Variants in TMEM232 observed in about 807,000 individuals in gnomAD.
The protein encoded by TMEM232 is transmembrane protein 232.
A neutral mutation model predicts 78.8 loss-of-function variants in TMEM232; 80 were observed. The ratio of observed to expected loss-of-function variants is 1.01; its 90% CI spans 0.85 to 1.22. The LOEUF (loss-of-function observed/expected upper bound fraction) is 1.22, where lower values mean the gene tolerates loss of function less well. Among genes scored for constraint, TMEM232 ranks in the 50% most tolerant of loss-of-function variants. The probability of loss-of-function intolerance (pLI) is 0.00; values close to 1 mark genes in which losing one functional copy is unlikely to be tolerated. For missense variants in TMEM232, 881 were observed against 742.2 expected (o/e 1.19, Z -2.17); for synonymous variants, 297 against 254.3 (o/e 1.17, Z -1.60).
chr5:110,738,036 A>C (rs1393036002), exon 1 of TMEM232: 10 of 232,386 alleles, frequency 4.3e-5, no homozygotes, highest in Admixed American at 3.8e-4. Context: ...CACAGAAAAA[A>C]ATGTCAGTTC....
At chr5:110,450,497 G>T (rs557270434) in intron 12 of TMEM232, among the ~76,000 whole-genome samples, 2 of 151,042 alleles carry the variant, frequency 1.3e-5, no homozygotes, top group Non-Finnish European at 2.9e-5. Flanking sequence ...ATTAACTATT[G>T]CGAGTTAATT....
chr5:110,496,097 TCA>T (rs1765609914), intron 12 of TMEM232, among the ~76,000 whole-genome samples: 1 of 151,876 alleles, frequency 6.6e-6, no homozygotes, highest in Non-Finnish European at 1.5e-5. Context: ...AAATTTTCAC[TCA>T]CAAATTATTG....
intron 12 of TMEM232, among the ~76,000 whole-genome samples, chr5:110,461,786 C>T (rs1401541516): frequency 6.6e-6 from 1 of 152,156 alleles, no homozygotes; most frequent in East Asian, 1.9e-4. Context: ...ATCTACTTTG[C>T]CTATGCTCTA....
intron 8 of TMEM232, chr5:110,617,977 T>C (rs1580377705): frequency 5.8e-6 from 1 of 172,346 alleles, no homozygotes; most frequent in Non-Finnish European, 1.2e-5. Context: ...CAACACTGCA[T>C]TCCAGCCTGG....
At chr5:110,524,298 G>A (rs1581068167) in intron 12 of TMEM232, among the ~76,000 whole-genome samples, 1 of 126,834 alleles carries the variant, frequency 7.9e-6, no homozygotes. Flanking sequence ...GAGGGAGAAA[G>A]AAATAAAAAG....
At chr5:110,576,250 C>G (rs1021462920) in intron 10 of TMEM232, among the ~76,000 whole-genome samples, 1 of 151,892 alleles carries the variant, frequency 6.6e-6, no homozygotes, top group Non-Finnish European at 1.5e-5. Context: ...GCGGTCCAGC[C>G]TAAGGCCAAA....
At chr5:110,612,532 C>T (rs1321546664) in intron 8 of TMEM232, among the ~76,000 whole-genome samples, 2 of 152,102 alleles carry the variant, frequency 1.3e-5, no homozygotes, top group Non-Finnish European at 2.9e-5. Context: ...TTAGTAGGAT[C>T]AAGGATATAA....
intron 12 of TMEM232, among the ~76,000 whole-genome samples, chr5:110,522,234 T>C (rs1450868268): frequency 6.6e-6 from 1 of 152,174 alleles, no homozygotes; most frequent in Non-Finnish European, 1.5e-5. Context: ...TCACTGTTAG[T>C]GTACAGATAT....
intron 1 of TMEM232, among the ~76,000 whole-genome samples, chr5:110,721,673 G>GTGTA (rs146117698): frequency 8.5e-5 from 3 of 35,432 alleles, no homozygotes; most frequent in Admixed American, 4.0e-4. Flanking sequence ...GTGTGTGTGT[G>GTGTA]TATATATATA....
At chr5:110,552,264 T>G (rs1405438369) in intron 11 of TMEM232, among the ~76,000 whole-genome samples, 1 of 152,018 alleles carries the variant, frequency 6.6e-6, no homozygotes, top group Non-Finnish European at 1.5e-5. Context: ...CAATATATAT[T>G]TAGAGTAACG....
chr5:110,518,058 C>G (rs570860408), intron 12 of TMEM232, among the ~76,000 whole-genome samples: 1 of 151,978 alleles, frequency 6.6e-6, no homozygotes, highest in Non-Finnish European at 1.5e-5. Flanking sequence ...TATCTTTCAA[C>G]TTTATTTCTG....
chr5:110,498,708 C>A (rs1048855863), intron 12 of TMEM232, among the ~76,000 whole-genome samples: 4 of 152,128 alleles, frequency 2.6e-5, no homozygotes, highest in Non-Finnish European at 1.5e-5. Context: ...GGGAAACTTA[C>A]AAGTGTATTG....
intron 10 of TMEM232, among the ~76,000 whole-genome samples, chr5:110,585,304 T>C (rs1038803617): frequency 2.6e-5 from 4 of 152,142 alleles, no homozygotes; most frequent in Non-Finnish European, 5.9e-5. Context: ...GTAGGAATGA[T>C]AGCAAATCTT....
intron 3 of TMEM232, among the ~76,000 whole-genome samples, chr5:110,392,277 T>C (rs964226295): frequency 6.6e-5 from 10 of 152,162 alleles, no homozygotes; most frequent in African/African-American, 9.6e-5. Flanking sequence ...TAAATAGACC[T>C]GAGTCAAAAC....
At chr5:110,714,693 A>G (rs1051941521) in intron 1 of TMEM232, among the ~76,000 whole-genome samples, 14 of 152,198 alleles carry the variant, frequency 9.2e-5, no homozygotes, top group Non-Finnish European at 1.6e-4. Context: ...AATTCAAATT[A>G]TTCATTTTAA....
intron 12 of TMEM232, among the ~76,000 whole-genome samples, chr5:110,462,705 A>G (rs192630435): frequency 6.6e-6 from 1 of 152,238 alleles, no homozygotes; most frequent in African/African-American, 2.4e-5. Context: ...TCTTGTGATA[A>G]TATGAGTCAA....
chr5:110,568,509 A>G lies in TMEM232; in HGVS notation c.1393T>C (p.Leu465=), dbSNP rs940654491. The G allele has an allele frequency of 6.5e-7, 1 of 1,548,876 alleles. No homozygotes were observed. Among genetic ancestry groups the G allele is most frequent in the Non-Finnish European group, 8.7e-7 (1 of 1,145,526 alleles). Residue 465 remains leucine (L), a synonymous_variant, in exon 11 of 14, where the codon TTG becomes CTG. Coordinates refer to ENST00000455884, the MANE Select transcript of TMEM232 (RefSeq NM_001039763.4). ...DGLRNMIWQT[L]QKTKDYEEDV... ...TCCTCATAATCCTTTGTTTTCTGCA[A>G]TGTTTGCCATATCATGTTTCTAAGT... is the stretch of plus-strand genomic sequence containing the variant.
intron 1 of TMEM232, among the ~76,000 whole-genome samples, chr5:110,701,910 T>C (rs1163254079): frequency 6.6e-6 from 1 of 151,976 alleles, no homozygotes; most frequent in Non-Finnish European, 1.5e-5. Flanking sequence ...AAAACTCAAA[T>C]TTTGCTTAAC....
intron 12 of TMEM232, among the ~76,000 whole-genome samples, chr5:110,500,376 A>T (rs1766132313): frequency 6.6e-6 from 1 of 152,046 alleles, no homozygotes; most frequent in Middle Eastern, 3.2e-3. Context: ...TCTAATAAGA[A>T]TGGAATTAAA....
Sources: allele counts gnomAD v4.1 joint callset (sites outside exome capture counted in the v4.1 genomes callset), GRCh38; gene constraint gnomAD v4.1.1; transcripts MANE v1.5; gene names NCBI Gene and HGNC (gene_info 2026-07-23, HGNC 2026-07-21).